LMF1: variants seen among roughly 807,000 people sequenced by gnomAD.
LMF1 encodes the protein transmembrane protein 112.
Under a neutral mutation model 60.6 loss-of-function variants are expected in LMF1, and 68 were observed. That is an observed-to-expected ratio of 1.12 (90% CI 0.92 to 1.37). LMF1 has a LOEUF of 1.37. LMF1 is among the 40% of genes most tolerant of loss of function. LMF1 has a pLI of 0.00. For missense variants in LMF1, 948 were observed against 767.2 expected (o/e 1.24, Z -2.78); for synonymous variants, 418 against 324.7 (o/e 1.29, Z -3.09).
At chr16:922,973 G>A (rs12600031) in intron 3 of LMF1, among the ~76,000 whole-genome samples, 1,311 of 78,662 alleles carry the variant, frequency 0.017, 3 homozygotes, top group South Asian at 0.021. Flanking sequence ...CCTGTGTGAA[G>A]GTCGCCTGGG....
intron 3 of LMF1, among the ~76,000 whole-genome samples, chr16:926,170 G>A (rs1004695190): frequency 7.9e-5 from 12 of 151,526 alleles, no homozygotes; most frequent in Non-Finnish European, 7.4e-5. Context: ...GTGCATACGC[G>A]TGTGCACACA....
intron 4 of LMF1, among the ~76,000 whole-genome samples, chr16:910,174 A>G (rs768864423): frequency 1.3e-5 from 2 of 152,236 alleles, no homozygotes; most frequent in Non-Finnish European, 2.9e-5. Flanking sequence ...TCCTGCTTTT[A>G]AAGTGCACAT....
chr16:970,269 C>A (rs1056235729), intron 1 of LMF1, among the ~76,000 whole-genome samples: 1 of 152,122 alleles, frequency 6.6e-6, no homozygotes, highest in South Asian at 2.1e-4. Context: ...AGGGGCCGCA[C>A]GCGGCAGGGA....
exon 1 of LMF1, chr16:981,216 T>G (rs542618764): frequency 2.2e-6 from 1 of 454,372 alleles, no homozygotes; most frequent in Admixed American, 2.4e-5. Flanking sequence ...GACCCTGTCC[T>G]GGACCGCAGG....
chr16:912,480 A>C (rs2071150484), intron 3 of LMF1, among the ~76,000 whole-genome samples: 1 of 152,118 alleles, frequency 6.6e-6, no homozygotes, highest in Admixed American at 6.5e-5. Context: ...GTACAAAATA[A>C]ACGCCTGCAA....
intron 3 of LMF1, among the ~76,000 whole-genome samples, chr16:914,252 C>T (rs1162967107): frequency 3.9e-5 from 6 of 152,104 alleles, no homozygotes; most frequent in Non-Finnish European, 1.5e-5. Context: ...AACGTCTCCA[C>T]GTTGAAGGGG....
At chr16:916,363 G>A (rs1275411207) in intron 3 of LMF1, among the ~76,000 whole-genome samples, 1 of 152,218 alleles carries the variant, frequency 6.6e-6, no homozygotes, top group East Asian at 1.9e-4. Flanking sequence ...TCAGCTCTGC[G>A]CCGGGCCGCC....
Position 948,788 on chromosome 16 carries a change from GAGCCAACGACAGAGTC to G in LMF1, c.503+5553_503+5568del, listed in dbSNP as rs1404684681. Among the ~76,000 whole-genome samples the G allele has an allele frequency of 2.2e-4, 31 of 143,074 alleles. 1 individual carries two copies. The highest frequency in any genetic ancestry group is 2.0e-3 in the East Asian group (9 of 4,566). The allele number at this position is 143,074 out of a possible 152,430, so 93.9% of individuals were successfully genotyped here. A position where few individuals can be genotyped will look rare whatever the true frequency, so the allele number is the denominator to read the frequency against. On this transcript the variant is annotated intron_variant, in intron 2 of 10. Coordinates refer to ENST00000262301, the MANE Select transcript of LMF1 (RefSeq NM_022773.4). ...ACAGAGTCAGCCAACGACAGAGTCA[GAGCCAACGACAGAGTC>G]AGCCAACGACAGAGTCAGCCAACGA... is the stretch of plus-strand genomic sequence containing the variant.
chr16:895,696 C>G (rs564385167), intron 4 of LMF1, among the ~76,000 whole-genome samples: 1 of 152,146 alleles, frequency 6.6e-6, no homozygotes, highest in Non-Finnish European at 1.5e-5. Context: ...TGACCGATGC[C>G]GAGAGGGACA....
intron 1 of LMF1, among the ~76,000 whole-genome samples, chr16:978,356 CACACACACAT>C (rs1331484361): frequency 6.6e-6 from 1 of 151,644 alleles, no homozygotes; most frequent in African/African-American, 2.4e-5. Flanking sequence ...ACACACACCA[CACACACACAT>C]GAACACACGC....
In LMF1 at chr16:917,607, G is replaced by A. The variant is rs367973301; in HGVS notation, c.515-6528C>T. Among the ~76,000 whole-genome samples the A allele has an allele frequency of 1.9e-3, 296 of 152,308 alleles. 4 individuals are homozygous for A. Among genetic ancestry groups the A allele is most frequent in the African/African-American group, 6.0e-3 (249 of 41,564 alleles). On this transcript the variant is annotated intron_variant, in intron 3 of 10. Coordinates refer to ENST00000262301, the MANE Select transcript of LMF1 (RefSeq NM_022773.4). ...CCGTTCTAGGGGCTTGTCCAGGCCC[G>A]CTGACCCCTCCGGCTCACTGGAGAT...
In LMF1 at chr16:879,883, C is replaced by T. The variant is rs575702391; in HGVS notation, c.730-146G>A. On this transcript the variant is annotated intron_variant, in intron 5 of 10. Coordinates refer to ENST00000262301, the MANE Select transcript of LMF1 (RefSeq NM_022773.4). The stretch of plus-strand genomic sequence containing the variant: ...CCGCCTGGCCCTGCACACGTGGAGC[C>T]CACCTGCCACGCTAAGAGGGGCCAA... The T allele has an allele frequency of 1.4e-3, 1,008 of 719,068 alleles. 6 individuals are homozygous for T. Among genetic ancestry groups the T allele is most frequent in the Middle Eastern group, 8.4e-3 (21 of 2,490 alleles). The allele number at this position is 719,068 out of a possible 1,614,324, so 44.5% of individuals were successfully genotyped here. A position where few individuals can be genotyped will look rare whatever the true frequency, so the allele number is the denominator to read the frequency against.
chr16:952,411 C>T (rs917283675), intron 2 of LMF1, among the ~76,000 whole-genome samples: 3 of 152,086 alleles, frequency 2.0e-5, no homozygotes, highest in African/African-American at 2.4e-5. Flanking sequence ...TCTGAGCCTC[C>T]GACCAGGGAA....
chr16:943,031 T>C (rs1002244167), intron 2 of LMF1, among the ~76,000 whole-genome samples: 1 of 152,248 alleles, frequency 6.6e-6, no homozygotes, highest in African/African-American at 2.4e-5. Context: ...TCAGTACAGA[T>C]ACTGTACTTT....
rs553900444 is a variant in LMF1, at chr16:881,925, G to C, written c.730-2188C>G. Among the ~76,000 whole-genome samples, 7 of 152,298 alleles carry C rather than the reference G, an allele frequency of 4.6e-5. No homozygotes were observed. The East Asian group carries it at 1.2e-3, about 25-fold the overall frequency. ...GCTGAGCTCTGACGGGGAGGGGAGCGGGGGCTGCTTATGCTTATCAGGTGA... is the reference window on the plus strand; with the variant it reads ...GCTGAGCTCTGACGGGGAGGGGAGCCGGGGCTGCTTATGCTTATCAGGTGA... On this transcript the variant is annotated intron_variant, in intron 5 of 10. Transcript: ENST00000262301.
chr16:857,252 T>C (rs1290522817), intron 10 of LMF1, among the ~76,000 whole-genome samples: 1 of 152,280 alleles, frequency 6.6e-6, no homozygotes, highest in African/African-American at 2.4e-5. Context: ...AACCTGGGTT[T>C]CAACTCTCTG....
At position 874,699 on chromosome 16, in the gene LMF1, G is replaced by C. The variant is rs1239547012; in HGVS notation, c.898-3358C>G. Reference sequence around the variant, plus strand: ...GGCTCCGGGGGACGGTGCTCAGATGGGAACACACGGAACCAGGACGGGATC... The same window carrying C: ...GGCTCCGGGGGACGGTGCTCAGATGCGAACACACGGAACCAGGACGGGATC... On this transcript the variant is annotated intron_variant, in intron 6 of 10. Transcript: ENST00000262301. This position sits in a 1 kb window ranked among gnomAD's most constrained non-coding sequence, Gnocchi z 4.1. 6.6e-6 allele frequency among the ~76,000 whole-genome samples: 1 copy of C among 151,946 alleles called. No individual in the cohort carries two copies. The highest frequency in any genetic ancestry group is 6.5e-5 in the Admixed American group (1 of 15,274).
chr16:925,794 G>T (rs934755387), intron 3 of LMF1, among the ~76,000 whole-genome samples: 1 of 152,198 alleles, frequency 6.6e-6, no homozygotes, highest in Non-Finnish European at 1.5e-5. Context: ...ATTTTCACCA[G>T]ATATTAGTAA....
chr16:951,084 CGACAGAGTCAGAGCCAAT>C (rs1254488852), intron 2 of LMF1, among the ~76,000 whole-genome samples: 3,778 of 96,388 alleles, frequency 0.039, 1,122 homozygotes, highest in African/African-American at 0.12. Flanking sequence ...AGTCAGCCAA[CGACAGAGTCAGAGCCAAT>C]GACAGAGTCA....
Sources: gnomAD v4.1 joint callset for allele counts (sites outside exome capture counted in the v4.1 genomes callset) on GRCh38, gnomAD v4.1.1 for gene constraint, Gnocchi (gnomAD v3.1) non-coding constraint, MANE v1.5 for transcripts, NCBI Gene and HGNC (gene_info 2026-07-23, HGNC 2026-07-21) for gene names.